The following SGCZ variants were observed in gnomAD, a reference collection of about 807,000 sequenced individuals.
SGCZ encodes the protein zeta-sarcoglycan.
Under a neutral mutation model 41.3 loss-of-function variants are expected in SGCZ, and 40 were observed. The observed-to-expected ratio is 0.97, with a 90% confidence interval of 0.75 to 1.26. The LOEUF (loss-of-function observed/expected upper bound fraction) is 1.26, where lower values mean the gene tolerates loss of function less well. Ranked by LOEUF, SGCZ falls within the 50% of genes most tolerant of loss-of-function variation. SGCZ has a pLI of 0.00. For missense variants in SGCZ, 552 were observed against 369.8 expected (o/e 1.49, Z -4.04); for synonymous variants, 206 against 137.5 (o/e 1.50, Z -3.49).
At chr8:14,470,977 A>T (rs1278871709) in intron 2 of SGCZ, among the ~76,000 whole-genome samples, 1 of 152,124 alleles carries the variant, frequency 6.6e-6, no homozygotes, top group Non-Finnish European at 1.5e-5. Context: ...TACCAGTAAG[A>T]GGCGCTACCC....
At chr8:14,898,953 G>A (rs1353696304) in intron 1 of SGCZ, among the ~76,000 whole-genome samples, 1 of 152,178 alleles carries the variant, frequency 6.6e-6, no homozygotes, top group Non-Finnish European at 1.5e-5. Context: ...ATAAATCCAT[G>A]ATAGTGAAGA....
At chr8:14,663,166 C>G (rs1288739697) in intron 1 of SGCZ, among the ~76,000 whole-genome samples, 1 of 152,130 alleles carries the variant, frequency 6.6e-6, no homozygotes, top group Non-Finnish European at 1.5e-5. Context: ...AATAGAAAAA[C>G]TAATGGAATT....
intron 1 of SGCZ, among the ~76,000 whole-genome samples, chr8:14,702,464 A>T (rs1563212446): frequency 6.6e-6 from 1 of 151,884 alleles, no homozygotes; most frequent in Non-Finnish European, 1.5e-5. Context: ...CCCTCCAGCC[A>T]AAGCTCTGCA....
At chr8:14,321,758 A>G (rs1313771943) in intron 3 of SGCZ, among the ~76,000 whole-genome samples, 2 of 152,142 alleles carry the variant, frequency 1.3e-5, no homozygotes, top group Non-Finnish European at 2.9e-5. Flanking sequence ...AACTACACGA[A>G]CTTTGGAATT....
intron 1 of SGCZ, among the ~76,000 whole-genome samples, chr8:14,866,861 A>C (rs928615669): frequency 6.6e-6 from 1 of 152,180 alleles, no homozygotes; most frequent in Non-Finnish European, 1.5e-5. Flanking sequence ...AAAGAAAAAA[A>C]AGTTTATCTG....
At chr8:14,217,899 G>A (rs1014038503) in intron 4 of SGCZ, among the ~76,000 whole-genome samples, 5 of 152,016 alleles carry the variant, frequency 3.3e-5, no homozygotes, top group African/African-American at 1.2e-4. Flanking sequence ...CCAAAGTGCT[G>A]GGATTACAGG....
chr8:14,938,289 AACAACATACTTT>A (rs1400040283), intron 1 of SGCZ, among the ~76,000 whole-genome samples: 1 of 152,118 alleles, frequency 6.6e-6, no homozygotes, highest in East Asian at 1.9e-4. Context: ...TTGGCCCTTG[AACAACATACTTT>A]CGAACTGTGC....
chr8:14,453,894 C>T (rs200589413), intron 2 of SGCZ, among the ~76,000 whole-genome samples: 1 of 152,054 alleles, frequency 6.6e-6, no homozygotes, highest in African/African-American at 2.4e-5. Context: ...ATTATTTTCT[C>T]TTGATTTGAC....
intron 2 of SGCZ, among the ~76,000 whole-genome samples, chr8:14,408,779 G>A (rs1219826769): frequency 2.0e-5 from 3 of 151,724 alleles, no homozygotes; most frequent in African/African-American, 7.3e-5. Context: ...TAGAATTTAG[G>A]GTATTCATAA....
chr8:14,540,507 C>G (rs544769099), intron 2 of SGCZ, among the ~76,000 whole-genome samples: 1 of 151,462 alleles, frequency 6.6e-6, no homozygotes, highest in East Asian at 1.9e-4. Context: ...TTTATCAAAC[C>G]CTTCCACTGA....
chr8:14,530,053 C>G (rs910532228), intron 2 of SGCZ, among the ~76,000 whole-genome samples: 1 of 152,044 alleles, frequency 6.6e-6, no homozygotes, highest in Admixed American at 6.6e-5. Context: ...CATCCTTAAT[C>G]TGCCAAATCC....
At position 14,198,622 on chromosome 8, in the gene SGCZ, C is replaced by T. The variant is rs147034440; in HGVS notation, c.425-33920G>A. ...TTGAAAAAAAAGAGGAAAAAAAGAA[C>T]TGATCTTTTTAAATCTTAGTGAACC... is the stretch of plus-strand genomic sequence containing the variant. On this transcript the variant is annotated intron_variant, in intron 4 of 7. Coordinates refer to ENST00000382080, the MANE Select transcript of SGCZ (RefSeq NM_139167.4). 2.0e-3 allele frequency among the ~76,000 whole-genome samples: 302 copies of T among 151,976 alleles called. 1 individual carries two copies. The highest frequency in any genetic ancestry group is 6.6e-3 in the African/African-American group (275 of 41,412).
intron 4 of SGCZ, among the ~76,000 whole-genome samples, chr8:14,193,360 T>G (rs1338878428): frequency 6.6e-6 from 1 of 151,892 alleles, no homozygotes. Flanking sequence ...GTTTGACCAT[T>G]GTTTTTCATG....
At position 14,468,110 on chromosome 8, in the gene SGCZ, C is replaced by T. The variant is rs559863658; in HGVS notation, c.234+86622G>A. On this transcript the variant is annotated intron_variant, in intron 2 of 7. Transcript: ENST00000382080. ...ACATTTTTTCAAAGAGGTGGCACATCGCTTATGAGTTTGGGTTTAATGATC... is the reference window on the plus strand; with the variant it reads ...ACATTTTTTCAAAGAGGTGGCACATTGCTTATGAGTTTGGGTTTAATGATC... Among the ~76,000 whole-genome samples the T allele has an allele frequency of 2.6e-5, 4 of 152,018 alleles. No individual in the cohort carries two copies. In the South Asian group the frequency reaches 6.2e-4, roughly 24 times the overall value.
intron 2 of SGCZ, among the ~76,000 whole-genome samples, chr8:14,488,560 G>T (rs546499564): frequency 5.9e-5 from 9 of 152,136 alleles, no homozygotes; most frequent in Non-Finnish European, 1.0e-4. Context: ...TGCCTCTCAA[G>T]GATCTCGGAG....
intron 1 of SGCZ, among the ~76,000 whole-genome samples, chr8:14,948,572 C>T (rs1481723578): frequency 1.3e-5 from 2 of 151,990 alleles, no homozygotes; most frequent in African/African-American, 4.8e-5. Context: ...TCTTGACTTC[C>T]TTAGATGACA....
intron 1 of SGCZ, among the ~76,000 whole-genome samples, chr8:14,764,671 G>A (rs1173717543): frequency 1.2e-4 from 19 of 152,130 alleles, no homozygotes; most frequent in Admixed American, 1.2e-3. Flanking sequence ...CTAGATTAAA[G>A]GAGATTAAAG....
In SGCZ at chr8:14,112,031, C is replaced by T. The variant is rs569452527; in HGVS notation, c.548-3796G>A. ...TACTCATTATTCACCGATTGACATC[C>T]ATGTATTTTTTACAGAAGTCACTGG... is the stretch of plus-strand genomic sequence containing the variant. On this transcript the variant is annotated intron_variant, in intron 5 of 7. Coordinates refer to ENST00000382080, the MANE Select transcript of SGCZ (RefSeq NM_139167.4). 5.7e-4 allele frequency among the ~76,000 whole-genome samples: 87 copies of T among 152,096 alleles called. 1 individual carries two copies. Among genetic ancestry groups the T allele is most frequent in the African/African-American group, 1.9e-3 (80 of 41,502 alleles).
At chr8:14,322,495 G>T (rs1039070690) in intron 3 of SGCZ, among the ~76,000 whole-genome samples, 1 of 152,014 alleles carries the variant, frequency 6.6e-6, no homozygotes, top group Non-Finnish European at 1.5e-5. Context: ...ACATACTCCT[G>T]TTTCTCAAGA....
Sources: gnomAD v4.1 joint callset for allele counts (sites outside exome capture counted in the v4.1 genomes callset) on GRCh38, gnomAD v4.1.1 for gene constraint, MANE v1.5 for transcripts, NCBI Gene and HGNC (gene_info 2026-07-23, HGNC 2026-07-21) for gene names.